HSPA4L: variants seen among roughly 807,000 people sequenced by gnomAD.
The protein encoded by HSPA4L is heat shock 70 kDa protein 4L.
HSPA4L carries 48 observed loss-of-function variants against 100.3 expected under a neutral mutation model. The ratio of observed to expected loss-of-function variants is 0.48; its 90% CI spans 0.38 to 0.61. HSPA4L has a LOEUF of 0.61. Among genes scored for constraint, HSPA4L ranks in the 20% least tolerant of loss-of-function variants. The probability of loss-of-function intolerance (pLI) is 0.00; values close to 1 mark genes in which losing one functional copy is unlikely to be tolerated. For synonymous variants in HSPA4L, 319 were observed against 328.2 expected (o/e 0.97, Z 0.30); for missense variants, 886 against 988.6 (o/e 0.90, Z 1.39).
chr4:127,812,671 T>C, intron 12 of HSPA4L: 1 of 715,142 alleles, frequency 1.4e-6, no homozygotes. Context: ...TTGTTTTGTT[T>C]TGTTTTTGTA....
intron 1 of HSPA4L, among the ~76,000 whole-genome samples, chr4:127,793,057 A>G (rs551792159): frequency 1.1e-4 from 16 of 152,310 alleles, no homozygotes; most frequent in African/African-American, 3.4e-4. Flanking sequence ...GGGGGACCCA[A>G]GCTTTTACTT....
chr4:127,830,863 T>G (rs1257769627), intron 18 of HSPA4L, 64 bp downstream of exon 18: 1 of 999,554 alleles, frequency 1.0e-6, no homozygotes, highest in Non-Finnish European at 1.4e-6. Flanking sequence ...ATGAGAGTCA[T>G]ACTTTGGCAA....
chr4:127,816,335 AAC>A (rs1560665753), intron 12 of HSPA4L, among the ~76,000 whole-genome samples: 4 of 152,344 alleles, frequency 2.6e-5, no homozygotes, highest in Middle Eastern at 6.8e-3. Flanking sequence ...TTAAAGAATT[AAC>A]AGTTTATTAC....
At chr4:127,793,641 A>T (rs1321567253) in intron 1 of HSPA4L, among the ~76,000 whole-genome samples, 7 of 152,244 alleles carry the variant, frequency 4.6e-5, no homozygotes, top group Non-Finnish European at 1.0e-4. Context: ...TCACATAACC[A>T]TATGAGCAGA....
chr4:127,801,155 T>G lies in HSPA4L; in HGVS notation c.447T>G (p.Thr149=), dbSNP rs1249082284. ...DCVISIPSFF[T]DAERRSVMAA... ...AATACTAGATTCCTAGCTTTTTTAC[T>G]GATGCCGAGAGAAGATCTGTGATGG... Residue 149 remains threonine (T), a synonymous_variant, in exon 5 of 19, where the codon ACT becomes ACG. Coordinates refer to ENST00000296464, the MANE Select transcript of HSPA4L (RefSeq NM_014278.4). 6.2e-7 allele frequency: 1 copy of G among 1,611,908 alleles called. No homozygotes were observed. The highest frequency in any genetic ancestry group is 8.5e-7 in the Non-Finnish European group (1 of 1,179,238).
intron 1 of HSPA4L, chr4:127,783,795 G>A: frequency 1.1e-6 from 1 of 919,734 alleles, no homozygotes. Flanking sequence ...CTATTCTATG[G>A]AAAGCTTTAA....
intron 10 of HSPA4L, 96 bp from the exon 11 acceptor site, chr4:127,807,900 T>C (rs1733406505): frequency 8.2e-7 from 1 of 1,222,534 alleles, no homozygotes; most frequent in Admixed American, 2.6e-5. Flanking sequence ...ATTTTTGCAG[T>C]TGCTGCTAAT....
rs966634363 is a variant in HSPA4L, at chr4:127,823,241, C to T, written c.1939-276C>T. On this transcript the variant is annotated intron_variant, in intron 15 of 18. Transcript: ENST00000296464. The stretch of plus-strand genomic sequence containing the variant: ...TCAGCTCACTGCAACTTCTACTTCC[C>T]GGGCTCAAGCAGTCCTCTCACCTCA... Among the ~76,000 whole-genome samples the T allele has an allele frequency of 7.1e-4, 108 of 152,176 alleles. 1 individual carries two copies. Among genetic ancestry groups the T allele is most frequent in the African/African-American group, 2.5e-3 (105 of 41,510 alleles).
chr4:127,811,289 T>A, intron 11 of HSPA4L, 148 bp from the exon 12 acceptor site: 1 of 602,256 alleles, frequency 1.7e-6, no homozygotes, highest in Non-Finnish European at 2.9e-6. Flanking sequence ...GGGAAGTACC[T>A]GCCCCATAGT....
At chr4:127,788,068 G>A (rs1234540501) in intron 1 of HSPA4L, among the ~76,000 whole-genome samples, 1 of 151,950 alleles carries the variant, frequency 6.6e-6, no homozygotes, top group East Asian at 1.9e-4. Context: ...GGTAATATGA[G>A]TTTTTCAAAT....
At chr4:127,808,524 G>A (rs760611045) in intron 11 of HSPA4L, among the ~76,000 whole-genome samples, 18 of 152,108 alleles carry the variant, frequency 1.2e-4, no homozygotes, top group Admixed American at 2.0e-4. Context: ...GAGGTTGTAT[G>A]TAGGTTATAC....
At chr4:127,782,797 A>T in intron 1 of HSPA4L, 140 bp downstream of exon 1, 1 of 619,032 alleles carries the variant, frequency 1.6e-6, no homozygotes, top group Non-Finnish European at 2.8e-6. Flanking sequence ...CAACCCGTCA[A>T]CCGCAGTCCC....
Position 127,835,064 on chromosome 4 carries a change from T to C in HSPA4L, c.*2190T>C, listed in dbSNP as rs1275364507. 3 of 152,336 alleles carry C rather than the reference T, an allele frequency of 2.0e-5. No individual in the cohort carries two copies. The highest frequency in any genetic ancestry group is 4.4e-5 in the Non-Finnish European group (3 of 68,020). 9.4% of individuals were successfully genotyped at this position (152,336 alleles called of 1,614,324 possible). A position where few individuals can be genotyped will look rare whatever the true frequency, so the allele number is the denominator to read the frequency against. On this transcript the variant is annotated 3_prime_UTR_variant, in exon 19 of 19. Transcript: ENST00000296464. ...TTAATTCATTAATGAAAGAGAGTGC[T>C]CTCTTTAATGCAGCTTTGGGTAGAC...
chr4:127,788,188 G>A (rs1732771500), intron 1 of HSPA4L, among the ~76,000 whole-genome samples: 1 of 151,904 alleles, frequency 6.6e-6, no homozygotes, highest in Non-Finnish European at 1.5e-5. Flanking sequence ...TATTTGTGTG[G>A]TTTCTACTAA....
intron 1 of HSPA4L, among the ~76,000 whole-genome samples, chr4:127,784,050 C>T (rs72616950): frequency 0.03 from 4,559 of 152,206 alleles, 297 homozygotes; most frequent in East Asian, 0.26. Context: ...AGTGAGAGGC[C>T]GAAACAGTAA....
intron 17 of HSPA4L, among the ~76,000 whole-genome samples, chr4:127,829,287 T>C (rs1245619967): frequency 6.6e-6 from 1 of 152,096 alleles, no homozygotes; most frequent in African/African-American, 2.4e-5. Flanking sequence ...AGTGTAGCAG[T>C]TGAGAGATCA....
At chr4:127,809,260 A>G in intron 11 of HSPA4L, 5 of 1,402,918 alleles carry the variant, frequency 3.6e-6, no homozygotes, top group Non-Finnish European at 5.1e-6. Context: ...CTTATGCAGA[A>G]CCAGTCTTCA....
chr4:127,793,920 A>C (rs1732944819), intron 1 of HSPA4L, among the ~76,000 whole-genome samples, 157 bp from the exon 2 acceptor site: 1 of 152,188 alleles, frequency 6.6e-6, no homozygotes, highest in African/African-American at 2.4e-5. Flanking sequence ...TTATATAGGG[A>C]AACTTTAAAA....
Position 127,830,642 on chromosome 4 carries a change from A to G in HSPA4L, c.2171A>G (p.Glu724Gly), listed in dbSNP as rs745815388. The G allele has an allele frequency of 1.9e-6, 3 of 1,576,156 alleles. 1 individual carries two copies. The South Asian group carries it at 3.6e-5, about 19-fold the overall frequency. The change falls in exon 18 of 19, where the codon GAA becomes GGA. Residue 724 changes from glutamate to glycine, a missense_variant. Coordinates refer to ENST00000296464, the MANE Select transcript of HSPA4L (RefSeq NM_014278.4). ...AAGCTTTTTTTTTTTAAATAGGATG[A>G]AAGATATGATCATCTGGATCCTACT... ...KVIEAYRNKD[E>G]RYDHLDPTEM...
Sources: gnomAD v4.1 joint callset for allele counts (sites outside exome capture counted in the v4.1 genomes callset) on GRCh38, gnomAD v4.1.1 for gene constraint, MANE v1.5 for transcripts, NCBI Gene and HGNC (gene_info 2026-07-23, HGNC 2026-07-21) for gene names.